The following TRIM62 variants were observed in gnomAD, a reference collection of about 807,000 sequenced individuals.
The protein encoded by TRIM62 is E3 ubiquitin-protein ligase TRIM62.
A neutral mutation model predicts 44.2 loss-of-function variants in TRIM62; 39 were observed. The observed-to-expected ratio is 0.88, with a 90% CI of 0.68 to 1.15. TRIM62 has a LOEUF of 1.15. Ranked by LOEUF, TRIM62 falls within the 50% of genes most tolerant of loss-of-function variation. TRIM62 has a pLI of 0.00. For synonymous variants in TRIM62, 278 were observed against 292.3 expected, an observed-to-expected ratio of 0.95 and a Z score of 0.50; for missense variants, 544 against 665.5, an observed-to-expected ratio of 0.82 and a Z score of 2.01.
rs766935976 is a variant in TRIM62 at position 33,158,278 on chromosome 1, C to T, written c.852G>A (p.Lys284=). The T allele has an allele frequency of 7.4e-6, 12 of 1,613,934 alleles. No individual in the cohort carries two copies. The highest frequency in any genetic ancestry group is 1.0e-5 in the Non-Finnish European group (12 of 1,179,924). Residue 284 remains lysine, a synonymous_variant, in exon 4 of 5, where the codon AAG becomes AAA. Transcript: ENST00000291416. ...CTGGGTGGATGTCCTGGAACAGGGACTTCCAGATGGTGTACTGCAGGGGGC... is the reference window on the plus strand; with the variant it reads ...CTGGGTGGATGTCCTGGAACAGGGATTTCCAGATGGTGTACTGCAGGGGGC... ...YTGPLQYTIW[K]SLFQDIHPVP... is the part of the protein sequence containing the mutation.
At chr1:33,158,049 C>T (rs932449902) in intron 4 of TRIM62, among the ~76,000 whole-genome samples, 5 of 152,212 alleles carry the variant, frequency 3.3e-5, no homozygotes, top group Admixed American at 2.0e-4. Flanking sequence ...GCCACCACGC[C>T]CAGCCATCTC....
chr1:33,176,136 C>T (rs1645417128), intron 1 of TRIM62, among the ~76,000 whole-genome samples: 1 of 152,226 alleles, frequency 6.6e-6, no homozygotes, highest in South Asian at 2.1e-4. Flanking sequence ...AGAGCCACTT[C>T]CCCACAACAC....
chr1:33,161,723 C>A lies in TRIM62; in HGVS notation c.505-1779G>T, dbSNP rs72885929. On this transcript the variant is annotated intron_variant, in intron 2 of 4. Coordinates refer to ENST00000291416, the MANE Select transcript of TRIM62 (RefSeq NM_018207.3). The surrounding 1 kb of genome is among the most constrained non-coding windows in gnomAD (Gnocchi z 4.3). ...GAAGATGGGGTCCGTCGTCCCTGCACCACCTGGAGCTGCCCTCCACAGGCG... is the reference window on the plus strand; with the variant it reads ...GAAGATGGGGTCCGTCGTCCCTGCAACACCTGGAGCTGCCCTCCACAGGCG... Among the ~76,000 whole-genome samples, 2,005 of 152,286 alleles carry A rather than the reference C, an allele frequency of 0.013. 43 individuals carry two copies. Among genetic ancestry groups the A allele is most frequent in the African/African-American group, 0.047 (1,933 of 41,538 alleles).
At position 33,181,545 on chromosome 1, in the gene TRIM62, C is replaced by G. The variant is rs1158723601; in HGVS notation, c.-113G>C. The G allele has an allele frequency of 7.0e-7, 1 of 1,437,728 alleles. No homozygotes were observed. 89.1% of individuals were successfully genotyped at this position (1,437,728 alleles called of 1,614,324 possible). On this transcript the variant is annotated 5_prime_UTR_variant, in exon 1 of 5. Coordinates refer to ENST00000291416, the MANE Select transcript of TRIM62 (RefSeq NM_018207.3). The surrounding 1 kb of genome is among the most constrained non-coding windows in gnomAD (Gnocchi z 6.5). ...GGCGCGGGGACGAGGCCCGCACAGG[C>G]AGGGGTAGGAGCTACCGGAGAAGGG...
intron 4 of TRIM62, among the ~76,000 whole-genome samples, chr1:33,153,197 C>T (rs1191908886): frequency 1.3e-5 from 2 of 152,156 alleles, no homozygotes; most frequent in African/African-American, 4.8e-5. Flanking sequence ...GCACCCCTCC[C>T]ATCTGGACAT....
intron 1 of TRIM62, among the ~76,000 whole-genome samples, chr1:33,172,366 G>T (rs903316367): frequency 6.6e-6 from 1 of 152,086 alleles, no homozygotes; most frequent in Non-Finnish European, 1.5e-5. Context: ...GTTGGGTAGG[G>T]GCCCACCCTC....
Position 33,178,782 on chromosome 1 carries a change from T to C in TRIM62, c.408+2243A>G, listed in dbSNP as rs552907159. ...GCACTAGAGAGTAAGCAAGTGGCAG[T>C]CCTGTTTTACTTTTCACCCAATAAT... On this transcript the variant is annotated intron_variant, in intron 1 of 4. Transcript: ENST00000291416. Among the ~76,000 whole-genome samples the C allele has an allele frequency of 2.6e-5, 4 of 152,354 alleles. No individual in the cohort carries two copies. The East Asian group carries it at 7.7e-4, about 29-fold the overall frequency.
chr1:33,178,490 C>T (rs562281238), intron 1 of TRIM62, among the ~76,000 whole-genome samples: 1 of 152,316 alleles, frequency 6.6e-6, no homozygotes, highest in South Asian at 2.1e-4. Flanking sequence ...AGAGGAGAGT[C>T]TGGGCATTCA....
rs1464131545 is a variant in TRIM62, at chr1:33,165,595, G to A, written c.409-29C>T. 1.3e-6 allele frequency: 2 copies of A among 1,572,942 alleles called. No individual in the cohort carries two copies. The highest frequency in any genetic ancestry group is 1.8e-5 in the Admixed American group (1 of 56,894). ...AAACACACACAGGGCCGGGATGGGG[G>A]CAGGGGCCATGCCTGGCCCAGGCAT... is the stretch of plus-strand genomic sequence containing the variant. On this transcript the variant is annotated intron_variant, in intron 1 of 4. Coordinates refer to ENST00000291416, the MANE Select transcript of TRIM62 (RefSeq NM_018207.3). This position sits in a 1 kb window ranked among gnomAD's most constrained non-coding sequence, Gnocchi z 4.0.
chr1:33,148,634 C>T (rs1645052293), intron 4 of TRIM62, among the ~76,000 whole-genome samples: 1 of 152,160 alleles, frequency 6.6e-6, no homozygotes, highest in African/African-American at 2.4e-5. Context: ...TAATAATTTC[C>T]TTCTATTTTC....
rs976316801 is a variant in TRIM62, at chr1:33,165,097, G to A, written c.504+374C>T. On this transcript the variant is annotated intron_variant, in intron 2 of 4. Transcript: ENST00000291416. The surrounding 1 kb of genome is among the most constrained non-coding windows in gnomAD (Gnocchi z 4.0). ...GTGTGTCACAACACCAGGGTTGGGC[G>A]GTTTTAATAAGGGGAGAGGAGAAAG... 4.7e-5 allele frequency: 8 copies of A among 169,298 alleles called. No homozygotes were observed. The highest frequency in any genetic ancestry group is 1.3e-5 in the Non-Finnish European group (1 of 79,300). 10.5% of individuals were successfully genotyped at this position (169,298 alleles called of 1,614,324 possible). A position where few individuals can be genotyped will look rare whatever the true frequency, so the allele number is the denominator to read the frequency against.
chr1:33,177,240 A>AT lies in TRIM62; in HGVS notation c.408+3784dup. Among the ~76,000 whole-genome samples, 1 of 152,312 alleles carries AT rather than the reference A, an allele frequency of 6.6e-6. No homozygotes were observed. Among genetic ancestry groups the AT allele is most frequent in the East Asian group, 1.9e-4 (1 of 5,182 alleles). ...ATGGGGGGACTTTAACTTTTACATTATACAGCTCTGCTTCTTATGTTAATT... is the reference window on the plus strand; with the variant it reads ...ATGGGGGGACTTTAACTTTTACATTATTACAGCTCTGCTTCTTATGTTAATT... On this transcript the variant is annotated intron_variant, in intron 1 of 4. Coordinates refer to ENST00000291416, the MANE Select transcript of TRIM62 (RefSeq NM_018207.3). This position sits in a 1 kb window ranked among gnomAD's most constrained non-coding sequence, Gnocchi z 4.1.
At chr1:33,160,006 G>C (rs1055551261) in intron 2 of TRIM62, 62 bp from the exon 3 acceptor site, 73 of 1,570,476 alleles carry the variant, frequency 4.6e-5, no homozygotes, top group Non-Finnish European at 6.0e-5. Flanking sequence ...CTCTGGGTGA[G>C]AGGAGGAAAT....
chr1:33,176,505 G>A, intron 1 of TRIM62: 2 of 670,432 alleles, frequency 3.0e-6, no homozygotes, highest in Non-Finnish European at 5.5e-6. Flanking sequence ...GGAGGGGGCG[G>A]CTGAGACTGA....
chr1:33,160,033 C>T, intron 2 of TRIM62, 89 bp from the exon 3 acceptor site: 1 of 1,533,764 alleles, frequency 6.5e-7, no homozygotes, highest in South Asian at 1.2e-5. Context: ...CCTTGACACA[C>T]AGAGAGGAAA....
At chr1:33,158,746 C>T (rs1054652281) in intron 3 of TRIM62, among the ~76,000 whole-genome samples, 1 of 152,194 alleles carries the variant, frequency 6.6e-6, no homozygotes, top group Non-Finnish European at 1.5e-5. Flanking sequence ...GATTTGGGGT[C>T]ACAGAGACCT....
rs10535508 is a variant in TRIM62 at position 33,177,067 on chromosome 1, GCACACA to G, written c.408+3952_408+3957del. ...CACACACACGCACACACACACACAT[GCACACA>G]CACACATGCATGCACAAATGCACAC... On this transcript the variant is annotated intron_variant, in intron 1 of 4. Coordinates refer to ENST00000291416, the MANE Select transcript of TRIM62 (RefSeq NM_018207.3). This position sits in a 1 kb window ranked among gnomAD's most constrained non-coding sequence, Gnocchi z 4.1. 2.0e-5 allele frequency among the ~76,000 whole-genome samples: 3 copies of G among 150,644 alleles called. No individual in the cohort carries two copies. The highest frequency in any genetic ancestry group is 1.3e-4 in the Admixed American group (2 of 15,146).
rs1025147437 is a variant in TRIM62 at position 33,181,210 on chromosome 1, AGC to A, written c.221_222del (p.Arg74LeufsTer117). ...PSLKLANIVE[R>X]YSSFPLDAIL... The stretch of plus-strand genomic sequence containing the variant: ...ATGGCGTCCAGCGGGAAGGAGCTGT[AGC>A]GCTCCACGATGTTGGCCAGCTTGAG... On this transcript the variant is annotated frameshift_variant, in exon 1 of 5. Coordinates refer to ENST00000291416, the MANE Select transcript of TRIM62 (RefSeq NM_018207.3). LOFTEE classifies it high-confidence loss of function. This position sits in a 1 kb window ranked among gnomAD's most constrained non-coding sequence, Gnocchi z 6.5. The A allele has an allele frequency of 1.3e-6, 2 of 1,581,932 alleles. No individual in the cohort carries two copies. The highest frequency in any genetic ancestry group is 1.7e-6 in the Non-Finnish European group (2 of 1,169,684).
At chr1:33,170,393 AAAC>A (rs536778749) in intron 1 of TRIM62, among the ~76,000 whole-genome samples, 35 of 152,054 alleles carry the variant, frequency 2.3e-4, no homozygotes, top group African/African-American at 7.5e-4. Context: ...CCCATCTTTA[AAAC>A]AACAACAACA....
Sources: allele counts gnomAD v4.1 joint callset (sites outside exome capture counted in the v4.1 genomes callset), GRCh38; gene constraint gnomAD v4.1.1; non-coding constraint Gnocchi (gnomAD v3.1); transcripts MANE v1.5; gene names NCBI Gene and HGNC (gene_info 2026-07-23, HGNC 2026-07-21).